The following RABGAP1 variants were observed in gnomAD, a reference collection of about 807,000 sequenced individuals.
RABGAP1 encodes RAB GTPase activating protein 1.
A neutral mutation model predicts 137.6 loss-of-function variants in RABGAP1; 23 were observed. The ratio of observed to expected loss-of-function variants is 0.17; its 90% CI spans 0.12 to 0.24. RABGAP1 has a LOEUF of 0.24. Ranked by LOEUF, RABGAP1 falls within the 10% of genes least tolerant of loss-of-function variation. The pLI is 1.00. For synonymous variants in RABGAP1, 451 were observed against 450.7 expected (o/e 1.00, Z -0.01); for missense variants, 906 against 1,275.8 (o/e 0.71, Z 4.42).
At chr9:122,957,415 A>G (rs1834584126) in intron 2 of RABGAP1, among the ~76,000 whole-genome samples, 1 of 152,204 alleles carries the variant, frequency 6.6e-6, no homozygotes, top group Admixed American at 6.5e-5. Flanking sequence ...TAAATTTTTC[A>G]ATACCCCTAA....
At position 123,070,906 on chromosome 9, in the gene RABGAP1, C is replaced by CTTT. The variant is rs1297643943; in HGVS notation, c.1983+483_1983+485dup. On this transcript the variant is annotated intron_variant, in intron 15 of 25. Coordinates refer to ENST00000373647, the MANE Select transcript of RABGAP1 (RefSeq NM_012197.4). The surrounding 1 kb of genome is among the most constrained non-coding windows in gnomAD (Gnocchi z 4.4). ...TCTAAACAGTGTTAAGGTGAACAGT[C>CTTT]TTTATCTAGTTTACCAATTAATATT... Among the ~76,000 whole-genome samples, 2 of 152,182 alleles carry CTTT rather than the reference C, an allele frequency of 1.3e-5. No homozygotes were observed. Among genetic ancestry groups the CTTT allele is most frequent in the Admixed American group, 1.3e-4 (2 of 15,278 alleles).
intron 13 of RABGAP1, among the ~76,000 whole-genome samples, chr9:123,056,891 A>G (rs1473163434): frequency 3.3e-5 from 5 of 152,192 alleles, no homozygotes; most frequent in Admixed American, 6.5e-5. Flanking sequence ...ACACAGACAC[A>G]GCAACCATCC....
chr9:123,076,016 A>C (rs1243817874), intron 17 of RABGAP1, among the ~76,000 whole-genome samples: 1 of 152,224 alleles, frequency 6.6e-6, no homozygotes, highest in African/African-American at 2.4e-5. Flanking sequence ...CTTATTATTG[A>C]ATATGAGAAC....
At position 123,103,604 on chromosome 9, in the gene RABGAP1, T is replaced by C. The variant is rs1469427026; in HGVS notation, c.*391T>C. ...TTTAATATACATATATATATATATA[T>C]ATATATATATATATATATATATATA... is the stretch of plus-strand genomic sequence containing the variant. On this transcript the variant is annotated 3_prime_UTR_variant, in exon 26 of 26. Transcript: ENST00000373647. The C allele has an allele frequency of 4.6e-4, 29 of 62,884 alleles. No individual in the cohort carries two copies. The highest frequency in any genetic ancestry group is 8.0e-4 in the African/African-American group (6 of 7,536). 3.9% of individuals were successfully genotyped at this position (62,884 alleles called of 1,614,324 possible). A position where few individuals can be genotyped will look rare whatever the true frequency, so the allele number is the denominator to read the frequency against.
At chr9:123,083,901 T>G (rs2034789425) in intron 19 of RABGAP1, among the ~76,000 whole-genome samples, 1 of 152,220 alleles carries the variant, frequency 6.6e-6, no homozygotes, top group South Asian at 2.1e-4. Context: ...AGTACTTTCC[T>G]TAAGTCAGTT....
intron 13 of RABGAP1, chr9:123,029,380 T>C: frequency 4.1e-6 from 5 of 1,208,456 alleles, no homozygotes; most frequent in Middle Eastern, 2.7e-4. Context: ...GACCTGTTCA[T>C]GCATCTTCAC....
intron 13 of RABGAP1, among the ~76,000 whole-genome samples, chr9:123,025,746 C>A (rs1181613329): frequency 6.6e-6 from 1 of 151,764 alleles, no homozygotes; most frequent in Non-Finnish European, 1.5e-5. Context: ...CTATTTGCCT[C>A]TTAATATTTT....
At chr9:122,949,220 AC>A (rs1304119348) in intron 1 of RABGAP1, among the ~76,000 whole-genome samples, 2 of 152,122 alleles carry the variant, frequency 1.3e-5, no homozygotes, top group Non-Finnish European at 2.9e-5. Flanking sequence ...TACTAAAAAT[AC>A]AAAAATTACG....
chr9:123,024,678 T>G (rs868495380), intron 13 of RABGAP1, among the ~76,000 whole-genome samples: 1 of 152,130 alleles, frequency 6.6e-6, no homozygotes, highest in Non-Finnish European at 1.5e-5. Context: ...GACCTCGTGA[T>G]CCTCCCACCT....
intron 13 of RABGAP1, among the ~76,000 whole-genome samples, chr9:123,052,541 G>A (rs950675658): frequency 1.3e-5 from 2 of 152,142 alleles, no homozygotes; most frequent in South Asian, 2.1e-4. Context: ...AGAGATATAC[G>A]TGAACAAAAC....
chr9:123,065,475 A>C lies in RABGAP1; in HGVS notation c.1908+14A>C, dbSNP rs779152570. The C allele has an allele frequency of 1.0e-5, 15 of 1,454,150 alleles. No homozygotes were observed. The highest frequency in any genetic ancestry group is 1.4e-5 in the Non-Finnish European group (15 of 1,048,548). The allele number at this position is 1,454,150 out of a possible 1,614,324, so 90.1% of individuals were successfully genotyped here. On this transcript the variant is annotated intron_variant, in intron 14 of 25. Coordinates refer to ENST00000373647, the MANE Select transcript of RABGAP1 (RefSeq NM_012197.4). Reference sequence around the variant, plus strand: ...AAAATATGCAAGGTATTTCATGTCAAAAAAAAAAAGGACTCAATTCTGAGT... The same window carrying C: ...AAAATATGCAAGGTATTTCATGTCACAAAAAAAAAGGACTCAATTCTGAGT...
At position 123,065,819 on chromosome 9, in the gene RABGAP1, C is replaced by T. The variant is rs577502394; in HGVS notation, c.1908+358C>T. ...TTATAAGTGATGAACTTGGCACCTA[C>T]GGTACGGTCTCACAGTGGGAAGTGT... is the stretch of plus-strand genomic sequence containing the variant. On this transcript the variant is annotated intron_variant, in intron 14 of 25. Coordinates refer to ENST00000373647, the MANE Select transcript of RABGAP1 (RefSeq NM_012197.4). 1.9e-4 allele frequency among the ~76,000 whole-genome samples: 29 copies of T among 152,300 alleles called. 1 individual carries two copies. The East Asian group carries it at 3.9e-3, about 20-fold the overall frequency.
chr9:123,023,819 CA>C (rs2031797162), intron 13 of RABGAP1, among the ~76,000 whole-genome samples: 1 of 152,042 alleles, frequency 6.6e-6, no homozygotes, highest in African/African-American at 2.4e-5. Flanking sequence ...TTATTCTGAA[CA>C]TGGCTTCTTT....
At chr9:123,096,409 CAGGACAAAGGGTATTACCG>C (rs1020704336) in intron 21 of RABGAP1, among the ~76,000 whole-genome samples, 11 of 151,102 alleles carry the variant, frequency 7.3e-5, no homozygotes, top group South Asian at 4.2e-4. Flanking sequence ...AAGTAGATTT[CAGGACAAAGGGTATTACCG>C]AGGACAAAGG....
Position 123,103,271 on chromosome 9 carries a change from T to G in RABGAP1, c.*58T>G, listed in dbSNP as rs2035395424. The G allele has an allele frequency of 6.3e-7, 1 of 1,599,916 alleles. No individual in the cohort carries two copies. The highest frequency in any genetic ancestry group is 1.1e-5 in the South Asian group (1 of 89,058). On this transcript the variant is annotated 3_prime_UTR_variant, in exon 26 of 26. Coordinates refer to ENST00000373647, the MANE Select transcript of RABGAP1 (RefSeq NM_012197.4). The stretch of plus-strand genomic sequence containing the variant: ...ACACGACACCTTTTGTTGCCTTCTT[T>G]GGCCAGATGTGTGATTCTGTGACTT...
At chr9:123,077,398 C>T (rs915115922) in intron 19 of RABGAP1, among the ~76,000 whole-genome samples, 1 of 152,032 alleles carries the variant, frequency 6.6e-6, no homozygotes, top group Non-Finnish European at 1.5e-5. Flanking sequence ...GTGATCCTCC[C>T]ACATTGGCCT....
At chr9:123,015,873 T>A (rs924471455) in intron 12 of RABGAP1, among the ~76,000 whole-genome samples, 1 of 152,198 alleles carries the variant, frequency 6.6e-6, no homozygotes, top group South Asian at 2.1e-4. Flanking sequence ...AAATGTGGAA[T>A]TCATGTACAG....
intron 19 of RABGAP1, among the ~76,000 whole-genome samples, chr9:123,080,461 G>A (rs536263034): frequency 4.6e-5 from 7 of 152,322 alleles, no homozygotes; most frequent in African/African-American, 1.7e-4. Flanking sequence ...GCTATGGTAT[G>A]TACAGTTTAG....
chr9:122,948,704 G>A (rs1040921779), intron 1 of RABGAP1, among the ~76,000 whole-genome samples: 1 of 152,028 alleles, frequency 6.6e-6, no homozygotes, highest in Non-Finnish European at 1.5e-5. Context: ...TGGTCCAAAG[G>A]GAACCCAAGG....
Sources: gnomAD v4.1 joint callset for allele counts (sites outside exome capture counted in the v4.1 genomes callset) on GRCh38, gnomAD v4.1.1 for gene constraint, Gnocchi (gnomAD v3.1) non-coding constraint, MANE v1.5 for transcripts, NCBI Gene and HGNC (gene_info 2026-07-23, HGNC 2026-07-21) for gene names.